GP6: variants seen among roughly 807,000 people sequenced by gnomAD.
The protein encoded by GP6 is platelet glycoprotein VI.
A neutral mutation model predicts 37.3 loss-of-function variants in GP6; 45 were observed. The ratio of observed to expected loss-of-function variants is 1.21; its 90% CI spans 0.95 to 1.55. The LOEUF is 1.55. Ranked by LOEUF, GP6 falls within the 40% of genes most tolerant of loss-of-function variation. GP6 has a pLI of 0.00. For missense variants in GP6, 813 were observed against 760.2 expected (o/e 1.07, Z -0.82); for synonymous variants, 340 against 316.4 (o/e 1.07, Z -0.79).
intron 6 of GP6, among the ~76,000 whole-genome samples, chr19:55,015,965 C>T (rs956475775): frequency 6.6e-6 from 1 of 152,076 alleles, no homozygotes; most frequent in African/African-American, 2.4e-5. Flanking sequence ...TAGAAAAACC[C>T]TATCTCTACA....
Position 55,014,797 on chromosome 19 carries a change from T to C in GP6, c.1148A>G (p.His383Arg). The C allele has an allele frequency of 6.2e-7, 1 of 1,613,932 alleles. No homozygotes were observed. The highest frequency in any genetic ancestry group is 8.5e-7 in the Non-Finnish European group (1 of 1,179,904). ...GATGGAACACCAGGAGGAGGCAGCATGGCCTCGTTTCCACAGCTGTAGCCT... is the reference window on the plus strand; with the variant it reads ...GATGGAACACCAGGAGGAGGCAGCACGGCCTCGTTTCCACAGCTGTAGCCT... The change falls in exon 8 of 8, where the codon CAT (histidine) becomes CGT (arginine). Residue 383 changes from histidine to arginine, a missense_variant. His to Arg is a conservative substitution (Grantham distance 29, BLOSUM62 0). Transcript: ENST00000310373.
intron 3 of GP6, among the ~76,000 whole-genome samples, chr19:55,030,668 AT>A (rs200044606): frequency 7.9e-5 from 12 of 151,482 alleles, no homozygotes; most frequent in Non-Finnish European, 1.3e-4. Flanking sequence ...AAAAAAATAA[AT>A]AAATAAGAAA....
At chr19:55,037,031 GAAAA>G (rs949111736) in intron 1 of GP6, among the ~76,000 whole-genome samples, 1 of 151,716 alleles carries the variant, frequency 6.6e-6, no homozygotes. Flanking sequence ...CAAACAAAAA[GAAAA>G]AAAGAATACA....
At position 55,014,710 on chromosome 19, in the gene GP6, A is replaced by T. The variant is rs1276697644; in HGVS notation, c.1235T>A (p.Ile412Asn). 5 of 1,613,822 alleles carry T rather than the reference A, an allele frequency of 3.1e-6. No individual in the cohort carries two copies. Among genetic ancestry groups the T allele is most frequent in the Non-Finnish European group, 3.4e-6 (4 of 1,180,000 alleles). Residue 412 changes from isoleucine (I) to asparagine (N), a missense_variant, in exon 8 of 8, where the codon ATT (isoleucine) becomes AAT (asparagine). Ile to Asn is a moderately radical substitution (Grantham distance 149). Transcript: ENST00000310373. ...TCTCCACAGATTCCTTCCATCCCAA[A>T]TGGAGGGTGCCCTCAGACAGAGAGG...
chr19:55,015,196 G>T, intron 7 of GP6, 31 bp from the exon 8 acceptor site: 1 of 1,550,998 alleles, frequency 6.4e-7, no homozygotes, highest in Non-Finnish European at 8.7e-7. Context: ...AGGAGCAGGT[G>T]AAAGAGCCCA....
chr19:55,019,746 C>T (rs575733013), intron 5 of GP6, among the ~76,000 whole-genome samples: 20 of 147,158 alleles, frequency 1.4e-4, no homozygotes, highest in African/African-American at 3.3e-4. Flanking sequence ...GGTGCAATCT[C>T]GGCTCACTGC....
rs1555801977 is a variant in GP6, at chr19:55,029,120, G to GAGGA, written c.326-1262_326-1259dup. Among the ~76,000 whole-genome samples, 575 of 145,244 alleles carry GAGGA rather than the reference G, an allele frequency of 4.0e-3. 5 individuals are homozygous for GAGGA. Among genetic ancestry groups the GAGGA allele is most frequent in the African/African-American group, 0.013 (504 of 40,306 alleles). On this transcript the variant is annotated intron_variant, in intron 3 of 7. Coordinates refer to ENST00000310373, the MANE Select transcript of GP6 (RefSeq NM_001083899.2). The stretch of plus-strand genomic sequence containing the variant: ...AGAAAGAGGAAGGAAGGGAGGGAGG[G>GAGGA]AGGAAGGAAGGAAGGAAATATATAA...
rs1399937815 is a variant in GP6, at chr19:55,014,326, C to T, written c.1619G>A (p.Ser540Asn). The T allele has an allele frequency of 6.3e-7, 1 of 1,595,034 alleles. No homozygotes were observed. Among genetic ancestry groups the T allele is most frequent in the African/African-American group, 1.3e-5 (1 of 74,636 alleles). Residue 540 changes from serine (S) to asparagine (N), a missense_variant, in exon 8 of 8, where the codon AGC becomes AAC. Coordinates refer to ENST00000310373, the MANE Select transcript of GP6 (RefSeq NM_001083899.2). Reference sequence around the variant, plus strand: ...ATGAGGTTTCACCATGTTGCACAGGCTGATCTTGTTTTCTAATGTGAAGGG... The same window carrying T: ...ATGAGGTTTCACCATGTTGCACAGGTTGATCTTGTTTTCTAATGTGAAGGG...
chr19:55,027,292 G>C (rs4988869), intron 4 of GP6, among the ~76,000 whole-genome samples: 35 of 2,676 alleles, frequency 0.013, 2 homozygotes, highest in Non-Finnish European at 0.016. Flanking sequence ...CACCTCTGGC[G>C]CCGCCCCTGC....
At chr19:55,034,436 A>C (rs1030023094) in intron 1 of GP6, among the ~76,000 whole-genome samples, 2 of 151,896 alleles carry the variant, frequency 1.3e-5, no homozygotes, top group African/African-American at 2.4e-5. Flanking sequence ...CGTGCCTGTA[A>C]TCCTAGCTAC....
intron 3 of GP6, 134 bp from the exon 4 acceptor site, chr19:55,027,996 C>T: frequency 1.2e-6 from 1 of 857,230 alleles, no homozygotes; most frequent in Non-Finnish European, 2.0e-6. Flanking sequence ...CTCCCCCACC[C>T]AAGCTCACAG....
At chr19:55,031,927 C>T (rs1252111995) in intron 3 of GP6, among the ~76,000 whole-genome samples, 5 of 152,016 alleles carry the variant, frequency 3.3e-5, no homozygotes, top group Admixed American at 3.3e-4. Context: ...GAGCCAAGAT[C>T]GCGCCACTGC....
rs28385642 is a variant in GP6 at position 55,038,222 on chromosome 19, C to T, written c.15G>A (p.Pro5=). The T allele has an allele frequency of 3.2e-3, 5,124 of 1,591,666 alleles. 18 individuals carry two copies. The highest frequency in any genetic ancestry group is 4.0e-3 in the Non-Finnish European group (4,628 of 1,167,966). ...ACTCACCAAGACAGAAGAGGGCGGT[C>T]GGGGATGGAGACATGGTTCCTCAGC... The change falls in exon 1 of 8, where the codon CCG becomes CCA. Residue 5 remains proline, a synonymous_variant. Transcript: ENST00000310373.
chr19:55,019,580 G>GT (rs2146734976), intron 5 of GP6, among the ~76,000 whole-genome samples: 1 of 152,100 alleles, frequency 6.6e-6, no homozygotes, highest in South Asian at 2.1e-4. Flanking sequence ...ATAATAAGAT[G>GT]TGGATCCATG....
intron 3 of GP6, among the ~76,000 whole-genome samples, chr19:55,028,810 G>A (rs1419912044): frequency 6.6e-6 from 1 of 152,168 alleles, no homozygotes; most frequent in East Asian, 1.9e-4. Context: ...GACCGGTGTG[G>A]TGATGCATGC....
intron 1 of GP6, among the ~76,000 whole-genome samples, chr19:55,034,521 A>C (rs1477594026): frequency 6.6e-6 from 1 of 150,700 alleles, no homozygotes; most frequent in Non-Finnish European, 1.5e-5. Flanking sequence ...ACGCCACTAC[A>C]CTCCAGCCTG....
intron 5 of GP6, among the ~76,000 whole-genome samples, chr19:55,019,971 C>G (rs529422570): frequency 3.2e-4 from 49 of 152,312 alleles, no homozygotes; most frequent in African/African-American, 1.1e-3. Flanking sequence ...AGCCACCGCG[C>G]CCGGCCAGGC....
chr19:55,016,036 G>T (rs1281703219), intron 6 of GP6, among the ~76,000 whole-genome samples: 2 of 151,996 alleles, frequency 1.3e-5, no homozygotes, highest in African/African-American at 4.8e-5. Context: ...CTACTCAGTG[G>T]AGGCTGAGGC....
intron 1 of GP6, among the ~76,000 whole-genome samples, chr19:55,037,734 C>T (rs555248762): frequency 7.0e-6 from 1 of 141,924 alleles, no homozygotes; most frequent in Non-Finnish European, 1.5e-5. Context: ...CAGTTTCAAG[C>T]AATTCTCCCA....
Sources: gnomAD v4.1 joint callset for allele counts (sites outside exome capture counted in the v4.1 genomes callset) on GRCh38, gnomAD v4.1.1 for gene constraint, MANE v1.5 for transcripts, NCBI Gene and HGNC (gene_info 2026-07-23, HGNC 2026-07-21) for gene names.